SLC7A11: variants seen among roughly 807,000 people sequenced by gnomAD.
SLC7A11 encodes solute carrier family 7 member 11, also known as cystine/glutamate transporter.
Under a neutral mutation model 54.5 loss-of-function variants are expected in SLC7A11, and 35 were observed. The observed-to-expected ratio is 0.64, with a 90% CI of 0.49 to 0.85. The LOEUF (loss-of-function observed/expected upper bound fraction) is 0.85. Among genes scored for constraint, SLC7A11 ranks in the 40% least tolerant of loss-of-function variants. The probability of loss-of-function intolerance (pLI) is 0.00; values close to 1 mark genes in which losing one functional copy is unlikely to be tolerated. For missense variants in SLC7A11, 583 were observed against 618.1 expected, an observed-to-expected ratio of 0.94 and a Z score of 0.60; for synonymous variants, 230 against 225.2, an observed-to-expected ratio of 1.02 and a Z score of -0.19.
intron 1 of SLC7A11, among the ~76,000 whole-genome samples, chr4:138,238,473 A>C (rs1302773638): frequency 1.3e-5 from 2 of 152,258 alleles, no homozygotes; most frequent in East Asian, 3.8e-4. Flanking sequence ...ACTACTGATT[A>C]GTAATAATTT....
intron 4 of SLC7A11, among the ~76,000 whole-genome samples, chr4:138,221,289 G>A (rs922093400): frequency 3.3e-5 from 5 of 152,102 alleles, no homozygotes; most frequent in African/African-American, 1.2e-4. Flanking sequence ...GAAGATTAAA[G>A]GCAATATTCA....
chr4:138,237,745 T>A (rs1275515495), intron 1 of SLC7A11, among the ~76,000 whole-genome samples: 243 of 19,712 alleles, frequency 0.012, no homozygotes, highest in East Asian at 0.017. Context: ...ATATTTTTTT[T>A]TTTTTTTTTT....
intron 6 of SLC7A11, among the ~76,000 whole-genome samples, chr4:138,205,626 A>C (rs1737388292): frequency 6.6e-6 from 1 of 152,054 alleles, no homozygotes; most frequent in Admixed American, 6.6e-5. Flanking sequence ...GTTGTCTAAG[A>C]AGTTTTTCAC....
Position 138,170,250 on chromosome 4 carries a change from G to GTGTGTGTGTATATATATA in SLC7A11, c.*1705_*1706insTATATATATACACACACA, listed in dbSNP as rs1443314500. 1 of 74,074 alleles carries GTGTGTGTGTATATATATA rather than the reference G, an allele frequency of 1.3e-5. No individual in the cohort carries two copies. The highest frequency in any genetic ancestry group is 2.5e-5 in the Non-Finnish European group (1 of 39,662). 4.6% of individuals were successfully genotyped at this position (74,074 alleles called of 1,614,324 possible). On this transcript the variant is annotated 3_prime_UTR_variant, in exon 12 of 12. Coordinates refer to ENST00000280612, the MANE Select transcript of SLC7A11 (RefSeq NM_014331.4). ...ATATAAAAAGTGTGTGTGTGTGTGT[G>GTGTGTGTGTATATATATA]TATATATATATATATATATATACAC... is the stretch of plus-strand genomic sequence containing the variant.
intron 6 of SLC7A11, among the ~76,000 whole-genome samples, chr4:138,199,099 G>A (rs1239922051): frequency 2.4e-4 from 36 of 151,904 alleles, no homozygotes; most frequent in Non-Finnish European, 8.8e-5. Context: ...AAACAAACAA[G>A]TAAATACATT....
At chr4:138,234,640 T>C (rs1738162072) in intron 2 of SLC7A11, among the ~76,000 whole-genome samples, 1 of 152,284 alleles carries the variant, frequency 6.6e-6, no homozygotes, top group Middle Eastern at 3.4e-3. Context: ...TCATTTTAGA[T>C]CTCTTTTTAT....
intron 3 of SLC7A11, among the ~76,000 whole-genome samples, chr4:138,227,325 T>C (rs185248594): frequency 5.9e-5 from 9 of 152,316 alleles, no homozygotes; most frequent in Non-Finnish European, 1.2e-4. Context: ...GGATTCCTTT[T>C]ATCTTTTTAT....
intron 6 of SLC7A11, among the ~76,000 whole-genome samples, chr4:138,212,937 T>G (rs532499172): frequency 6.6e-6 from 1 of 152,146 alleles, no homozygotes; most frequent in Admixed American, 6.6e-5. Context: ...TCTTTAGACT[T>G]AACATACATA....
At chr4:138,200,328 A>T (rs1737247032) in intron 6 of SLC7A11, among the ~76,000 whole-genome samples, 1 of 152,166 alleles carries the variant, frequency 6.6e-6, no homozygotes, top group Non-Finnish European at 1.5e-5. Flanking sequence ...TTTCTATTTT[A>T]ATCTTCTAAC....
intron 3 of SLC7A11, among the ~76,000 whole-genome samples, chr4:138,228,929 A>T (rs2148450681): frequency 6.6e-6 from 1 of 152,252 alleles, no homozygotes; most frequent in East Asian, 1.9e-4. Context: ...ATCTTCATTA[A>T]ATTTGACAGA....
At chr4:138,211,982 T>C (rs991546418) in intron 6 of SLC7A11, among the ~76,000 whole-genome samples, 1 of 151,918 alleles carries the variant, frequency 6.6e-6, no homozygotes, top group Non-Finnish European at 1.5e-5. Flanking sequence ...GTAACCGTAG[T>C]TATCAAAAAC....
chr4:138,228,235 A>G (rs1216108581), intron 3 of SLC7A11, among the ~76,000 whole-genome samples: 1 of 152,134 alleles, frequency 6.6e-6, no homozygotes, highest in Non-Finnish European at 1.5e-5. Context: ...ATAAACTAGC[A>G]AGGAAATTGA....
At chr4:138,237,282 C>A (rs879657361) in intron 1 of SLC7A11, among the ~76,000 whole-genome samples, 3 of 151,348 alleles carry the variant, frequency 2.0e-5, no homozygotes, top group Admixed American at 6.6e-5. Context: ...CCACTGTGCA[C>A]GGCCAAGATT....
intron 10 of SLC7A11, 114 bp from the exon 11 acceptor site, chr4:138,179,508 G>A (rs1002358737): frequency 2.1e-5 from 18 of 860,408 alleles, no homozygotes; most frequent in Admixed American, 1.1e-4. Flanking sequence ...GTAGTCATGC[G>A]ACCAGGTAAC....
At chr4:138,220,846 A>C (rs553505839) in intron 4 of SLC7A11, among the ~76,000 whole-genome samples, 30 of 152,342 alleles carry the variant, frequency 2.0e-4, no homozygotes, top group African/African-American at 7.0e-4. Context: ...TTCATTGCCC[A>C]GGCATAACTT....
In SLC7A11 at chr4:138,169,776, A is replaced by G. The variant is rs1664125725; in HGVS notation, c.*2180T>C. On this transcript the variant is annotated 3_prime_UTR_variant, in exon 12 of 12. Coordinates refer to ENST00000280612, the MANE Select transcript of SLC7A11 (RefSeq NM_014331.4). The stretch of plus-strand genomic sequence containing the variant: ...AAATTCTTACCTCCAGCAACATATC[A>G]TAGGGAGAGATGTGGACAAATGAAC... 1 of 149,930 alleles carries G rather than the reference A, an allele frequency of 6.7e-6. No homozygotes were observed. Among genetic ancestry groups the G allele is most frequent in the South Asian group, 2.1e-4 (1 of 4,828 alleles). The allele number at this position is 149,930 out of a possible 1,614,324, so 9.3% of individuals were successfully genotyped here.
intron 3 of SLC7A11, among the ~76,000 whole-genome samples, chr4:138,224,815 A>AAAGGAAGGAAGGAAGGAAGGAAGGAAGG (rs138629758): frequency 1.3e-4 from 17 of 135,950 alleles, no homozygotes; most frequent in Admixed American, 3.0e-4. Flanking sequence ...AGGAAGGATG[A>AAAGGAAGGAAGGAAGGAAGGAAGGAAGG]AAGGAAGGAA....
intron 6 of SLC7A11, among the ~76,000 whole-genome samples, chr4:138,204,848 A>G (rs1028618214): frequency 3.9e-5 from 6 of 152,026 alleles, no homozygotes; most frequent in Non-Finnish European, 8.8e-5. Context: ...TGAACCTTTT[A>G]ACTACTAATA....
chr4:138,204,124 C>A (rs1737351745), intron 6 of SLC7A11, among the ~76,000 whole-genome samples: 1 of 152,036 alleles, frequency 6.6e-6, no homozygotes, highest in Non-Finnish European at 1.5e-5. Context: ...CTTCCTTAGC[C>A]ATTCACCTTG....
Sources: allele counts gnomAD v4.1 joint callset (sites outside exome capture counted in the v4.1 genomes callset), GRCh38; gene constraint gnomAD v4.1.1; transcripts MANE v1.5; gene names NCBI Gene and HGNC (gene_info 2026-07-23, HGNC 2026-07-21).